Variants in MPV17L observed in about 807,000 individuals in gnomAD.
The protein encoded by MPV17L is mpv17-like protein.
Under a neutral mutation model 25.8 loss-of-function variants are expected in MPV17L, and 24 were observed. The ratio of observed to expected loss-of-function variants is 0.93; its 90% CI spans 0.67 to 1.31. The LOEUF (loss-of-function observed/expected upper bound fraction) is 1.31. MPV17L is among the 50% of genes most tolerant of loss of function. The pLI, the probability that MPV17L is intolerant of heterozygous loss-of-function variation, is 0.00. For synonymous variants in MPV17L, 102 were observed against 115.3 expected (o/e 0.88, Z 0.74); for missense variants, 250 against 265.6 (o/e 0.94, Z 0.41).
At chr16:15,400,751 G>GT in intron 1 of MPV17L, 36 bp from the exon 2 acceptor site, 1 of 1,476,808 alleles carries the variant, frequency 6.8e-7, no homozygotes, top group Non-Finnish European at 9.2e-7. Context: ...GTACTCTACT[G>GT]AATCTTTTAA....
At position 15,395,823 on chromosome 16, in the gene MPV17L, C is replaced by A. The variant is rs1445951907; in HGVS notation, c.-75C>A. ...GCTGCAGTGCAGTAGCTGCTGGAGG[C>A]TGGGGAGGCCCGGACCCGGTGCAGG... On this transcript the variant is annotated 5_prime_UTR_variant, in exon 1 of 4. The change creates a new upstream start codon in the 5' untranslated region. Coordinates refer to ENST00000396385, the MANE Select transcript of MPV17L (RefSeq NM_001128423.2). 6 of 1,290,340 alleles carry A rather than the reference C, an allele frequency of 4.6e-6. No homozygotes were observed. In the South Asian group the frequency reaches 5.5e-5, roughly 12 times the overall value. The allele number at this position is 1,290,340 out of a possible 1,614,324, so 79.9% of individuals were successfully genotyped here.
intron 1 of MPV17L, among the ~76,000 whole-genome samples, 199 bp from the exon 2 acceptor site, chr16:15,400,588 A>G (rs561058538): frequency 6.6e-6 from 1 of 152,142 alleles, no homozygotes; most frequent in African/African-American, 2.4e-5. Context: ...GGACTCAAGC[A>G]ATCTGCCTGC....
chr16:15,403,199 CT>C (rs1346513124), intron 2 of MPV17L, among the ~76,000 whole-genome samples: 1 of 151,384 alleles, frequency 6.6e-6, no homozygotes, highest in Admixed American at 6.6e-5. Context: ...GAAACCGTGT[CT>C]CCACTAAAAA....
At position 15,406,219 on chromosome 16, in the gene MPV17L, C is replaced by T. The variant is rs140231944; in HGVS notation, c.382-1605C>T. ...ATATATATATATACATACACATATA[C>T]GTATATATGTGTATATATACGTATA... On this transcript the variant is annotated intron_variant, in intron 2 of 3. Transcript: ENST00000396385. 7.4e-3 allele frequency among the ~76,000 whole-genome samples: 1,115 copies of T among 151,398 alleles called. 2 individuals are homozygous for T. The highest frequency in any genetic ancestry group is 0.014 in the Middle Eastern group (4 of 288).
At chr16:15,397,021 G>A (rs1160011049) in intron 1 of MPV17L, among the ~76,000 whole-genome samples, 1 of 152,104 alleles carries the variant, frequency 6.6e-6, no homozygotes, top group Non-Finnish European at 1.5e-5. Flanking sequence ...AAATACCGGG[G>A]TTCATTCCCT....
At chr16:15,398,442 A>G (rs2050605819) in intron 1 of MPV17L, among the ~76,000 whole-genome samples, 1 of 152,038 alleles carries the variant, frequency 6.6e-6, no homozygotes, top group Non-Finnish European at 1.5e-5. Context: ...TGATGCTCTC[A>G]TGGTGGGAAG....
chr16:15,400,632 C>G (rs2050625562), intron 1 of MPV17L, among the ~76,000 whole-genome samples, 155 bp from the exon 2 acceptor site: 1 of 152,030 alleles, frequency 6.6e-6, no homozygotes, highest in Non-Finnish European at 1.5e-5. Context: ...AGCCACGGCG[C>G]CTGTCTATGT....
intron 1 of MPV17L, among the ~76,000 whole-genome samples, chr16:15,396,729 C>A (rs2050589308): frequency 6.6e-6 from 1 of 152,078 alleles, no homozygotes; most frequent in Non-Finnish European, 1.5e-5. Flanking sequence ...GATCAGTGAC[C>A]CTGAGGGGCA....
At chr16:15,396,240 A>C in intron 1 of MPV17L, 33 bp downstream of exon 1, 1 of 1,541,636 alleles carries the variant, frequency 6.5e-7, no homozygotes, top group Non-Finnish European at 8.7e-7. Flanking sequence ...GGGGGGTGGG[A>C]CCCAGTATTG....
intron 2 of MPV17L, 66 bp downstream of exon 2, chr16:15,400,923 A>C: frequency 1.5e-5 from 15 of 1,013,610 alleles, no homozygotes; most frequent in Non-Finnish European, 1.7e-5. Flanking sequence ...TATGTGTATA[A>C]AAATATATGT....
chr16:15,406,978 T>G (rs1347331247), intron 2 of MPV17L, among the ~76,000 whole-genome samples: 1 of 151,804 alleles, frequency 6.6e-6, no homozygotes, highest in Non-Finnish European at 1.5e-5. Flanking sequence ...CTCATGCCTA[T>G]AACCCCAGCA....
At chr16:15,400,668 G>A in intron 1 of MPV17L, 119 bp from the exon 2 acceptor site, 1 of 600,696 alleles carries the variant, frequency 1.7e-6, no homozygotes, top group African/African-American at 1.9e-5. Flanking sequence ...GGGTCAGAGG[G>A]TCATATTGTT....
At chr16:15,399,259 G>T (rs1003305883) in intron 1 of MPV17L, among the ~76,000 whole-genome samples, 6 of 152,118 alleles carry the variant, frequency 3.9e-5, no homozygotes, top group African/African-American at 1.4e-4. Flanking sequence ...GCTGGGTCAT[G>T]TAAGAATCGT....
chr16:15,396,234 G>A, intron 1 of MPV17L, 27 bp downstream of exon 1: 2 of 1,544,400 alleles, frequency 1.3e-6, no homozygotes, highest in Non-Finnish European at 1.7e-6. Flanking sequence ...GGACCTGGGG[G>A]GTGGGACCCA....
intron 2 of MPV17L, among the ~76,000 whole-genome samples, 190 bp downstream of exon 2, chr16:15,401,047 TA>T (rs2050630538): frequency 7.9e-6 from 1 of 127,216 alleles, no homozygotes; most frequent in African/African-American, 2.9e-5. Flanking sequence ...GATTTTTTTG[TA>T]TGTGTGTGTG....
chr16:15,401,088 T>A (rs867355471), intron 2 of MPV17L, among the ~76,000 whole-genome samples: 140 of 55,686 alleles, frequency 2.5e-3, no homozygotes, highest in Non-Finnish European at 3.2e-3. Flanking sequence ...ATATATATAT[T>A]TTTTTTTTTT....
Position 15,408,290 on chromosome 16 carries a change from T to G in MPV17L, c.*178T>G. 1.8e-6 allele frequency: 1 copy of G among 541,478 alleles called. No homozygotes were observed. The highest frequency in any genetic ancestry group is 3.3e-6 in the Non-Finnish European group (1 of 307,642). 33.5% of individuals were successfully genotyped at this position (541,478 alleles called of 1,614,324 possible). A position where few individuals can be genotyped will look rare whatever the true frequency, so the allele number is the denominator to read the frequency against. ...TTTTTGAATTGTATTCAGACTTTTT[T>G]CCTGTTCTAGTCTGAAATATTACTT... On this transcript the variant is annotated 3_prime_UTR_variant, in exon 4 of 4. Transcript: ENST00000396385.
intron 2 of MPV17L, among the ~76,000 whole-genome samples, chr16:15,402,254 C>T (rs1376029699): frequency 6.6e-6 from 1 of 152,084 alleles, no homozygotes; most frequent in East Asian, 1.9e-4. Context: ...GAACAGTGTC[C>T]TTAAGGCCTG....
At position 15,401,058 on chromosome 16, in the gene MPV17L, GTATA is replaced by G. The variant is rs548012835; in HGVS notation, c.381+227_381+230del. Reference sequence around the variant, plus strand: ...TCAGGATTTTTTTGTATGTGTGTGTGTATATATATATATATATATATATATATAT... The same window carrying G: ...TCAGGATTTTTTTGTATGTGTGTGTGTATATATATATATATATATATATAT... On this transcript the variant is annotated intron_variant, in intron 2 of 3. Coordinates refer to ENST00000396385, the MANE Select transcript of MPV17L (RefSeq NM_001128423.2). Among the ~76,000 whole-genome samples, 160 of 44,252 alleles carry G rather than the reference GTATA, an allele frequency of 3.6e-3. 5 individuals carry two copies. The highest frequency in any genetic ancestry group is 9.7e-3 in the African/African-American group (94 of 9,664). The allele number at this position is 44,252 out of a possible 152,430, so 29.0% of individuals were successfully genotyped here. A position where few individuals can be genotyped will look rare whatever the true frequency, so the allele number is the denominator to read the frequency against.
Sources: allele counts gnomAD v4.1 joint callset (sites outside exome capture counted in the v4.1 genomes callset), GRCh38; gene constraint gnomAD v4.1.1; transcripts MANE v1.5; gene names NCBI Gene and HGNC (gene_info 2026-07-23, HGNC 2026-07-21).